Variants in GALNT13 observed in about 807,000 individuals in gnomAD.
The protein encoded by GALNT13 is UDP-GalNAc:polypeptide N-acetylgalactosaminyltransferase 13.
In GALNT13, 28 loss-of-function variants were observed where a neutral mutation model predicts 64.2. The observed-to-expected ratio is 0.44, with a 90% CI of 0.32 to 0.60. The LOEUF (loss-of-function observed/expected upper bound fraction) is 0.60, where lower values mean the gene tolerates loss of function less well. GALNT13 is among the 20% of genes least tolerant of loss of function. The pLI is 0.05. For synonymous variants in GALNT13, 214 were observed against 224.6 expected (o/e 0.95, Z 0.42); for missense variants, 577 against 669.8 (o/e 0.86, Z 1.53).
intron 4 of GALNT13, among the ~76,000 whole-genome samples, chr2:154,201,718 G>A (rs1687182129): frequency 6.6e-6 from 1 of 152,074 alleles, no homozygotes; most frequent in African/African-American, 2.4e-5. Flanking sequence ...AATGGTAAGA[G>A]TTAATTCTAA....
intron 3 of GALNT13, among the ~76,000 whole-genome samples, chr2:154,115,895 G>C (rs1328032835): frequency 6.6e-6 from 1 of 151,990 alleles, no homozygotes; most frequent in Non-Finnish European, 1.5e-5. Context: ...ATATATATTA[G>C]AAAACTCAAG....
intron 2 of GALNT13, among the ~76,000 whole-genome samples, chr2:153,918,183 A>T (rs1455926603): frequency 6.6e-6 from 1 of 152,186 alleles, no homozygotes; most frequent in Non-Finnish European, 1.5e-5. Flanking sequence ...TGATTTTTAA[A>T]TTGAAATACT....
the GALNT13 span, among the ~76,000 whole-genome samples, chr2:153,098,604 A>C: frequency 1.3e-5 from 2 of 152,204 alleles, no homozygotes; most frequent in Non-Finnish European, 2.9e-5. Context: ...TGTGAGATTC[A>C]CCCATATTGT....
At chr2:153,197,914 G>C in the GALNT13 span, among the ~76,000 whole-genome samples, 1 of 152,172 alleles carries the variant, frequency 6.6e-6, no homozygotes, top group African/African-American at 2.4e-5. Flanking sequence ...CCCCAGGCAG[G>C]GGGGTTTCAG....
At chr2:154,225,426 G>A (rs1688564972) in intron 4 of GALNT13, among the ~76,000 whole-genome samples, 1 of 152,040 alleles carries the variant, frequency 6.6e-6, no homozygotes, top group Non-Finnish European at 1.5e-5. Flanking sequence ...AACCCTTGTA[G>A]TGAGAGATTT....
chr2:154,220,124 G>A (rs148332095), intron 4 of GALNT13, among the ~76,000 whole-genome samples: 5 of 152,156 alleles, frequency 3.3e-5, no homozygotes, highest in Non-Finnish European at 7.4e-5. Context: ...CCTAATGATT[G>A]AGATTCCTTG....
At chr2:153,364,092 A>T in the GALNT13 span, among the ~76,000 whole-genome samples, 8 of 152,326 alleles carry the variant, frequency 5.3e-5, 1 homozygote, top group South Asian at 1.7e-3. Flanking sequence ...ACCTATGCAA[A>T]TAAATAAATG....
chr2:153,505,749 T>C, the GALNT13 span, among the ~76,000 whole-genome samples: 1 of 152,180 alleles, frequency 6.6e-6, no homozygotes, highest in Non-Finnish European at 1.5e-5. Context: ...TTTTCTTAAA[T>C]TTACTGAGAC....
At chr2:154,240,473 C>G (rs1258183870) in intron 4 of GALNT13, among the ~76,000 whole-genome samples, 2 of 152,168 alleles carry the variant, frequency 1.3e-5, no homozygotes, top group African/African-American at 2.4e-5. Flanking sequence ...GAATTAGAAT[C>G]TGCATTTGAA....
Position 154,358,218 on chromosome 2 carries a change from A to G in GALNT13, c.1157-37773A>G, listed in dbSNP as rs72869613. On this transcript the variant is annotated intron_variant, in intron 9 of 12. Coordinates refer to ENST00000392825, the MANE Select transcript of GALNT13 (RefSeq NM_052917.4). ...CTTACCATGGAAGTGTGATCCAGTT[A>G]TCTTTGATATTTCATTTCTCTTAAA... Among the ~76,000 whole-genome samples, 597 of 152,248 alleles carry G rather than the reference A, an allele frequency of 3.9e-3. 5 individuals are homozygous for G. Among genetic ancestry groups the G allele is most frequent in the Non-Finnish European group, 6.5e-3 (445 of 67,972 alleles).
At chr2:153,671,805 C>T in the GALNT13 span, among the ~76,000 whole-genome samples, 1 of 151,972 alleles carries the variant, frequency 6.6e-6, no homozygotes, top group Non-Finnish European at 1.5e-5. Flanking sequence ...TTCAGGAGAC[C>T]CATCTCATGT....
At chr2:153,142,116 T>C in the GALNT13 span, among the ~76,000 whole-genome samples, 4 of 152,092 alleles carry the variant, frequency 2.6e-5, no homozygotes, top group African/African-American at 9.7e-5. Flanking sequence ...ACTATCGGTC[T>C]TTATGACCAA....
chr2:154,363,845 G>GA (rs1697214227), intron 9 of GALNT13, among the ~76,000 whole-genome samples: 1 of 152,122 alleles, frequency 6.6e-6, no homozygotes, highest in South Asian at 2.1e-4. Context: ...TCTACAAAAA[G>GA]AATCATATTT....
the GALNT13 span, among the ~76,000 whole-genome samples, chr2:153,476,828 G>A: frequency 6.6e-6 from 1 of 152,182 alleles, no homozygotes; most frequent in Non-Finnish European, 1.5e-5. Flanking sequence ...ACGTCACTGT[G>A]TACCTTAGCA....
chr2:153,694,269 G>A, the GALNT13 span, among the ~76,000 whole-genome samples: 689 of 152,240 alleles, frequency 4.5e-3, 6 homozygotes, highest in African/African-American at 0.016. Context: ...AAGGTACAAG[G>A]AGGCCGTATG....
the GALNT13 span, among the ~76,000 whole-genome samples, chr2:153,091,676 T>C: frequency 6.6e-6 from 1 of 152,186 alleles, no homozygotes; most frequent in African/African-American, 2.4e-5. Context: ...CACCTCTGTA[T>C]TATTAGTTGT....
intron 9 of GALNT13, among the ~76,000 whole-genome samples, chr2:154,366,090 T>G (rs1697346584): frequency 6.6e-6 from 1 of 152,158 alleles, no homozygotes; most frequent in Non-Finnish European, 1.5e-5. Context: ...TTTTCCTGAT[T>G]GTATGAACAT....
At chr2:153,532,079 G>A in the GALNT13 span, among the ~76,000 whole-genome samples, 1 of 152,022 alleles carries the variant, frequency 6.6e-6, no homozygotes, top group African/African-American at 2.4e-5. Flanking sequence ...ACTAAGCAGT[G>A]CCCCAGTGGG....
At chr2:153,534,702 C>T in the GALNT13 span, among the ~76,000 whole-genome samples, 1 of 151,042 alleles carries the variant, frequency 6.6e-6, no homozygotes, top group Non-Finnish European at 1.5e-5. Context: ...GAGTGGGGGT[C>T]GCAAGGTGCT....
Sources: gnomAD v4.1 joint callset for allele counts (sites outside exome capture counted in the v4.1 genomes callset) on GRCh38, gnomAD v4.1.1 for gene constraint, MANE v1.5 for transcripts, NCBI Gene and HGNC (gene_info 2026-07-23, HGNC 2026-07-21) for gene names.